Variants in IGF2BP3 observed in about 807,000 individuals in gnomAD.
IGF2BP3 encodes the protein insulin-like growth factor 2 mRNA-binding protein 3.
In IGF2BP3, 9 loss-of-function variants were observed where a neutral mutation model predicts 73.8. The ratio of observed to expected loss-of-function variants is 0.12; its 90% CI spans 0.07 to 0.21. The LOEUF is 0.21. IGF2BP3 is among the 10% of genes least tolerant of loss of function. The pLI is 1.00. For synonymous variants in IGF2BP3, 258 were observed against 256.7 expected, an observed-to-expected ratio of 1.01 and a Z score of -0.05; for missense variants, 542 against 714.0, an observed-to-expected ratio of 0.76 and a Z score of 2.75.
intron 3 of IGF2BP3, chr7:23,394,584 A>C (rs1786389931): frequency 6.6e-6 from 1 of 152,244 alleles, no homozygotes; most frequent in Non-Finnish European, 1.5e-5. Flanking sequence ...ATATTCTAAC[A>C]ATATATAGTA....
chr7:23,343,884 G>A, intron 8 of IGF2BP3, 31 bp from the exon 9 acceptor site: 2 of 1,600,178 alleles, frequency 1.2e-6, no homozygotes, highest in Non-Finnish European at 1.7e-6. Flanking sequence ...GAAAGAAAAA[G>A]AATGAAAATT....
rs1283858406 is a variant in IGF2BP3, at chr7:23,319,237, A to G, written c.1221T>C (p.Thr407=). The G allele has an allele frequency of 6.2e-7, 1 of 1,610,058 alleles. No individual in the cohort carries two copies. The highest frequency in any genetic ancestry group is 2.2e-5 in the East Asian group (1 of 44,670). The change falls in exon 11 of 15, where the codon ACT becomes ACC. Residue 407 remains threonine (T), a synonymous_variant. Coordinates refer to ENST00000258729, the MANE Select transcript of IGF2BP3 (RefSeq NM_006547.3). ...ATAGAGCTGGGATAAACAGATGAAC[A>G]GTCTCCGTTTCTGATTGCTGTTAGA... ...YPQFEQSETE[T]VHLFIPALSV...
chr7:23,464,697 TAAATAAAAATAA>T (rs553665310), intron 2 of IGF2BP3, among the ~76,000 whole-genome samples: 3,199 of 147,208 alleles, frequency 0.022, 114 homozygotes, highest in African/African-American at 0.075. Context: ...AAAAAATAAA[TAAATAAAAATAA>T]AAATAAAAAT....
chr7:23,451,014 T>C (rs973148086), intron 2 of IGF2BP3, among the ~76,000 whole-genome samples: 6 of 152,210 alleles, frequency 3.9e-5, no homozygotes, highest in African/African-American at 1.4e-4. Flanking sequence ...CTCATATACT[T>C]CAATCAAAAC....
chr7:23,318,616 G>A (rs1016569907), intron 11 of IGF2BP3, among the ~76,000 whole-genome samples: 2 of 152,108 alleles, frequency 1.3e-5, no homozygotes, highest in African/African-American at 4.8e-5. Flanking sequence ...TTGTCCTCTG[G>A]TATGTTACCT....
In IGF2BP3 at chr7:23,468,557, G is replaced by T; in HGVS notation, c.176-15C>A. ...TTCTATTTTACCTGCGGACACACAAGAAGTGAGACGGTCGGCCGAGTTCAG... is the reference window on the plus strand; with the variant it reads ...TTCTATTTTACCTGCGGACACACAATAAGTGAGACGGTCGGCCGAGTTCAG... On this transcript the variant is annotated splice_polypyrimidine_tract_variant and intron_variant, in intron 1 of 14. Coordinates refer to ENST00000258729, the MANE Select transcript of IGF2BP3 (RefSeq NM_006547.3). 2 of 1,613,928 alleles carry T rather than the reference G, an allele frequency of 1.2e-6. No homozygotes were observed. Among genetic ancestry groups the T allele is most frequent in the Non-Finnish European group, 1.7e-6 (2 of 1,179,784 alleles).
chr7:23,428,545 T>C (rs995729517), intron 2 of IGF2BP3, among the ~76,000 whole-genome samples: 12 of 148,838 alleles, frequency 8.1e-5, no homozygotes, highest in Non-Finnish European at 1.6e-4. Context: ...ATATATAATA[T>C]ATATTTTTAA....
At chr7:23,377,780 A>G (rs545835970) in intron 3 of IGF2BP3, among the ~76,000 whole-genome samples, 1 of 152,348 alleles carries the variant, frequency 6.6e-6, no homozygotes, top group East Asian at 1.9e-4. Flanking sequence ...CATAAAAAGG[A>G]ATGAAGTACC....
At chr7:23,383,238 C>T (rs563269629) in intron 3 of IGF2BP3, among the ~76,000 whole-genome samples, 57 of 152,298 alleles carry the variant, frequency 3.7e-4, no homozygotes, top group Non-Finnish European at 6.3e-4. Context: ...TAGATGTTTA[C>T]ATGCAGGCTA....
At chr7:23,443,445 G>A (rs1787984055) in intron 2 of IGF2BP3, among the ~76,000 whole-genome samples, 1 of 151,888 alleles carries the variant, frequency 6.6e-6, no homozygotes, top group South Asian at 2.1e-4. Context: ...TATTTTAGTA[G>A]AGACGGGGTT....
intron 3 of IGF2BP3, among the ~76,000 whole-genome samples, chr7:23,378,341 G>T: frequency 6.9e-6 from 1 of 145,380 alleles, no homozygotes; most frequent in African/African-American, 2.7e-5. Context: ...GAATTACACT[G>T]GCCTTTAGAT....
At chr7:23,318,138 C>T (rs1332224168) in intron 11 of IGF2BP3, among the ~76,000 whole-genome samples, 1 of 152,188 alleles carries the variant, frequency 6.6e-6, no homozygotes, top group Non-Finnish European at 1.5e-5. Flanking sequence ...CCTTGGCCCA[C>T]TTGCATCAGG....
intron 5 of IGF2BP3, among the ~76,000 whole-genome samples, chr7:23,355,206 G>A (rs1277470874): frequency 6.7e-6 from 1 of 149,724 alleles, no homozygotes; most frequent in East Asian, 1.9e-4. Flanking sequence ...CAGGAGCCTG[G>A]TTTTGTCTTT....
At chr7:23,424,979 C>A (rs117655012) in intron 2 of IGF2BP3, among the ~76,000 whole-genome samples, 1 of 152,160 alleles carries the variant, frequency 6.6e-6, no homozygotes, top group African/African-American at 2.4e-5. Context: ...GTCCCCCTTA[C>A]GTAGCATGCC....
chr7:23,434,594 A>T (rs1230914218), intron 2 of IGF2BP3, among the ~76,000 whole-genome samples: 1 of 152,224 alleles, frequency 6.6e-6, no homozygotes, highest in Non-Finnish European at 1.5e-5. Flanking sequence ...GACAAGTTTG[A>T]TCTAAATATT....
At chr7:23,319,578 A>C (rs1784080605) in intron 10 of IGF2BP3, among the ~76,000 whole-genome samples, 1 of 150,660 alleles carries the variant, frequency 6.6e-6, no homozygotes, top group Non-Finnish European at 1.5e-5. Flanking sequence ...TTGCATTAAA[A>C]ATTAAGTAAG....
chr7:23,411,510 G>C (rs951155907), intron 3 of IGF2BP3, among the ~76,000 whole-genome samples: 1 of 152,184 alleles, frequency 6.6e-6, no homozygotes, highest in Non-Finnish European at 1.5e-5. Flanking sequence ...GAACCCAGGA[G>C]GTGGACACTG....
intron 2 of IGF2BP3, among the ~76,000 whole-genome samples, chr7:23,454,248 T>C (rs1788265049): frequency 1.3e-5 from 2 of 152,196 alleles, no homozygotes; most frequent in Non-Finnish European, 2.9e-5. Flanking sequence ...GTCTATTATT[T>C]CCTTTACGTA....
At chr7:23,407,962 G>GT (rs1786895947) in intron 3 of IGF2BP3, among the ~76,000 whole-genome samples, 1 of 45,428 alleles carries the variant, frequency 2.2e-5, no homozygotes, top group Non-Finnish European at 3.9e-5. Flanking sequence ...GCGGGGGGCG[G>GT]GGGGGGGGGG....
Sources: allele counts gnomAD v4.1 joint callset (sites outside exome capture counted in the v4.1 genomes callset), GRCh38; gene constraint gnomAD v4.1.1; transcripts MANE v1.5; gene names NCBI Gene and HGNC (gene_info 2026-07-23, HGNC 2026-07-21).